The following HSF1 variants were observed in gnomAD, a reference collection of about 807,000 sequenced individuals.
HSF1 encodes heat shock factor protein 1.
Under a neutral mutation model 51.7 loss-of-function variants are expected in HSF1, and 32 were observed. That is an observed-to-expected ratio of 0.62 (90% CI 0.47 to 0.83). The LOEUF is 0.83. HSF1 is among the 40% of genes least tolerant of loss of function. The pLI, the probability that HSF1 is intolerant of heterozygous loss-of-function variation, is 0.00. For missense variants in HSF1, 727 were observed against 717.0 expected (o/e 1.01, Z -0.16); for synonymous variants, 396 against 309.7 (o/e 1.28, Z -2.92).
Position 144,291,855 on chromosome 8 carries a change from C to T in HSF1, c.98C>T (p.Ala33Val), listed in dbSNP as rs782517143. 1 of 1,543,002 alleles carries T rather than the reference C, an allele frequency of 6.5e-7. No individual in the cohort carries two copies. Among genetic ancestry groups the T allele is most frequent in the Non-Finnish European group, 8.7e-7 (1 of 1,150,096 alleles). Residue 33 changes from alanine to valine, a missense_variant, in exon 1 of 13, where the codon GCG becomes GTG. By Grantham distance (64) the Ala-to-Val change is moderately conservative. Transcript: ENST00000528838. The surrounding 1 kb of genome is among the most constrained non-coding windows in gnomAD (Gnocchi z 4.1). ...CTCGTGAGCGACCCGGACACCGACG[C>T]GCTCATCTGCTGGAGCCCGGTGAGG... ...WTLVSDPDTD[A>V]LICWSPSGNS...
rs562457985 is a variant in HSF1, at chr8:144,310,677, G to A, written c.489-497G>A. 27 of 176,508 alleles carry A rather than the reference G, an allele frequency of 1.5e-4. No individual in the cohort carries two copies. The East Asian group carries it at 3.3e-3, about 21-fold the overall frequency. 10.9% of individuals were successfully genotyped at this position (176,508 alleles called of 1,614,324 possible). Reference sequence around the variant, plus strand: ...CAGCCTCCCAGAGCAGCAGGAGCGCGGTCATGGCCCTGCTCACCTGGCTGG... The same window carrying A: ...CAGCCTCCCAGAGCAGCAGGAGCGCAGTCATGGCCCTGCTCACCTGGCTGG... On this transcript the variant is annotated intron_variant, in intron 4 of 12. Transcript: ENST00000528838.
chr8:144,301,757 C>T (rs974012649), intron 1 of HSF1, among the ~76,000 whole-genome samples: 5 of 151,692 alleles, frequency 3.3e-5, no homozygotes, highest in South Asian at 2.1e-4. Flanking sequence ...CCTAGCTACT[C>T]GGGAGGCTGA....
chr8:144,313,782 CT>C (rs1816984421), intron 10 of HSF1, 63 bp from the exon 11 acceptor site: 1 of 88,754 alleles, frequency 1.1e-5, no homozygotes, highest in Admixed American at 2.2e-4. Flanking sequence ...CCCGCCCCGC[CT>C]CCCCGCCCCG....
intron 1 of HSF1, among the ~76,000 whole-genome samples, chr8:144,306,952 A>G (rs1220871636): frequency 1.3e-5 from 2 of 151,898 alleles, no homozygotes; most frequent in Non-Finnish European, 2.9e-5. Flanking sequence ...GGACGCCTTC[A>G]GCACTCGGCC....
rs567594805 is a variant in HSF1, at chr8:144,312,728, C to G, written c.1142+484C>G. On this transcript the variant is annotated intron_variant, in intron 9 of 12. Transcript: ENST00000528838. ...CCAGCCAGGGTTAGCGCTGACCCCA[C>G]TGGGGAGGGAGGAGGGCTCTGCCAG... 3.8e-5 allele frequency: 58 copies of G among 1,532,580 alleles called. No individual in the cohort carries two copies. The South Asian group carries it at 6.5e-4, about 17-fold the overall frequency. 94.9% of individuals were successfully genotyped at this position (1,532,580 alleles called of 1,614,324 possible).
At chr8:144,311,068 A>G (rs1442194602) in intron 4 of HSF1, 106 bp from the exon 5 acceptor site, 4 of 1,071,722 alleles carry the variant, frequency 3.7e-6, no homozygotes, top group Non-Finnish European at 5.4e-6. Context: ...AGACATGGTC[A>G]CACTTACCCC....
intron 1 of HSF1, among the ~76,000 whole-genome samples, chr8:144,305,537 G>C (rs1178751841): frequency 6.6e-6 from 1 of 152,022 alleles, no homozygotes; most frequent in East Asian, 1.9e-4. Context: ...TCTTGACCTC[G>C]TGATCCAACC....
At chr8:144,303,309 G>A (rs782483818) in intron 1 of HSF1, among the ~76,000 whole-genome samples, 1 of 152,036 alleles carries the variant, frequency 6.6e-6, no homozygotes, top group African/African-American at 2.4e-5. Flanking sequence ...CTGTGCAGGT[G>A]AACAAGCCTG....
At chr8:144,311,936 A>G in intron 8 of HSF1, 27 bp from the exon 9 acceptor site, 1 of 1,581,798 alleles carries the variant, frequency 6.3e-7, no homozygotes, top group South Asian at 1.1e-5. Context: ...CCGAGACGCC[A>G]GCTCACCTGG....
At position 144,291,775 on chromosome 8, in the gene HSF1, C is replaced by A. The variant is rs1181993830; in HGVS notation, c.18C>A (p.Gly6=). Residue 6 remains glycine, a synonymous_variant, in exon 1 of 13, where the codon GGC becomes GGA. Transcript: ENST00000528838. This position sits in a 1 kb window ranked among gnomAD's most constrained non-coding sequence, Gnocchi z 4.1. Reference sequence around the variant, plus strand: ...TGCTCGAGATGGATCTGCCCGTGGGCCCCGGCGCGGCGGGGCCCAGCAACG... The same window carrying A: ...TGCTCGAGATGGATCTGCCCGTGGGACCCGGCGCGGCGGGGCCCAGCAACG... MDLPV[G]PGAAGPSNVP... The A allele has an allele frequency of 1.3e-6, 2 of 1,518,990 alleles. No individual in the cohort carries two copies. The highest frequency in any genetic ancestry group is 8.8e-7 in the Non-Finnish European group (1 of 1,136,404). 94.1% of individuals were successfully genotyped at this position (1,518,990 alleles called of 1,614,324 possible).
Position 144,291,955 on chromosome 8 carries a change from G to C in HSF1, c.117+81G>C. The C allele has an allele frequency of 1.5e-6, 1 of 682,510 alleles. No individual in the cohort carries two copies. The highest frequency in any genetic ancestry group is 2.2e-6 in the Non-Finnish European group (1 of 461,162). 42.3% of individuals were successfully genotyped at this position (682,510 alleles called of 1,614,324 possible). A position where few individuals can be genotyped will look rare whatever the true frequency, so the allele number is the denominator to read the frequency against. ...GGCGGACGGCGCGGGAGGGCTGCGG[G>C]GAGGGGCCCTGCCGCACTTCAGCTT... is the stretch of plus-strand genomic sequence containing the variant. On this transcript the variant is annotated intron_variant, in intron 1 of 12. Transcript: ENST00000528838. The surrounding 1 kb of genome is among the most constrained non-coding windows in gnomAD (Gnocchi z 4.1).
At chr8:144,302,523 A>G (rs71520568) in intron 1 of HSF1, among the ~76,000 whole-genome samples, 2 of 151,464 alleles carry the variant, frequency 1.3e-5, no homozygotes, top group Middle Eastern at 3.4e-3. Context: ...AAAGATAATA[A>G]TAATAATAAA....
At chr8:144,298,229 G>A (rs1323469905) in intron 1 of HSF1, among the ~76,000 whole-genome samples, 1 of 152,150 alleles carries the variant, frequency 6.6e-6, no homozygotes, top group Non-Finnish European at 1.5e-5. Context: ...TGGCCCCTAA[G>A]GTAGGGGTTG....
At chr8:144,299,136 C>T (rs1815685248) in intron 1 of HSF1, among the ~76,000 whole-genome samples, 1 of 152,196 alleles carries the variant, frequency 6.6e-6, no homozygotes, top group Non-Finnish European at 1.5e-5. Context: ...GCACGGAGTA[C>T]ACACAGCACT....
At position 144,314,261 on chromosome 8, in the gene HSF1, C is replaced by G; in HGVS notation, c.1521C>G (p.Ala507=). The change falls in exon 13 of 13, where the codon GCC becomes GCG. Residue 507 remains alanine (A), a synonymous_variant. Coordinates refer to ENST00000528838, the MANE Select transcript of HSF1 (RefSeq NM_005526.4). ...GSYFSEGDGF[A]EDPTISLLTG... is the part of the protein sequence containing the mutation. ...ACTTCTCCGAAGGGGACGGCTTCGCCGAGGACCCCACCATCTCCCTGCTGA... is the reference window on the plus strand; with the variant it reads ...ACTTCTCCGAAGGGGACGGCTTCGCGGAGGACCCCACCATCTCCCTGCTGA... 2 of 1,550,828 alleles carry G rather than the reference C, an allele frequency of 1.3e-6. No homozygotes were observed. The highest frequency in any genetic ancestry group is 1.7e-6 in the Non-Finnish European group (2 of 1,147,152).
Position 144,314,626 on chromosome 8 carries a change from T to C in HSF1, c.*296T>C, listed in dbSNP as rs1817105364. The C allele has an allele frequency of 4.2e-6, 2 of 475,298 alleles. No individual in the cohort carries two copies. The highest frequency in any genetic ancestry group is 7.7e-6 in the Non-Finnish European group (2 of 259,938). 29.4% of individuals were successfully genotyped at this position (475,298 alleles called of 1,614,324 possible). On this transcript the variant is annotated 3_prime_UTR_variant, in exon 13 of 13. Coordinates refer to ENST00000528838, the MANE Select transcript of HSF1 (RefSeq NM_005526.4). ...TGTATTTTGGATTTTTACACAACTG[T>C]CCCGTTCCCCGCTCCACAGAGATAC... is the stretch of plus-strand genomic sequence containing the variant.
rs1817033638 is a variant in HSF1, at chr8:144,314,039, A to G, written c.1369A>G (p.Ser457Gly). 1 of 1,607,868 alleles carries G rather than the reference A, an allele frequency of 6.2e-7. No individual in the cohort carries two copies. The highest frequency in any genetic ancestry group is 1.4e-5 in the African/African-American group (1 of 73,516). The change falls in exon 12 of 13, where the codon AGC becomes GGC. Residue 457 changes from serine to glycine, a missense_variant. Coordinates refer to ENST00000528838, the MANE Select transcript of HSF1 (RefSeq NM_005526.4). ...CCCCAGGCCTCCCGAGGCAGAGAAC[A>G]GCAGCCCGGATTCAGGTGAGCCAAG... is the stretch of plus-strand genomic sequence containing the variant. ...EPPRPPEAEN[S>G]SPDSGKQLVH...
At position 144,311,834 on chromosome 8, in the gene HSF1, G is replaced by C. The variant is rs782809545; in HGVS notation, c.858G>C (p.Glu286Asp). 2.5e-6 allele frequency: 4 copies of C among 1,603,990 alleles called. No individual in the cohort carries two copies. The East Asian group carries it at 6.7e-5, about 27-fold the overall frequency. The change falls in exon 8 of 13, where the codon GAG becomes GAC. Residue 286 changes from glutamate (E) to aspartate (D), a missense_variant and splice_region_variant. Physicochemically the swap from Glu to Asp is conservative, Grantham distance 45 (BLOSUM62 2). Coordinates refer to ENST00000528838, the MANE Select transcript of HSF1 (RefSeq NM_005526.4). ...PMASPGGSID[E>D]RPLSSSPLVR... ...CCTCCCCCGGCGGGAGCATAGACGA[G>C]AGGTGGGGGCCGCATCACCCCAGCC...
At chr8:144,295,713 C>CTTTTT (rs536228987) in intron 1 of HSF1, among the ~76,000 whole-genome samples, 22 of 144,524 alleles carry the variant, frequency 1.5e-4, no homozygotes, top group Admixed American at 1.5e-3. Flanking sequence ...CCAGACCTGG[C>CTTTTT]TTTTTTTTTT....
Sources: gnomAD v4.1 joint callset for allele counts (sites outside exome capture counted in the v4.1 genomes callset) on GRCh38, gnomAD v4.1.1 for gene constraint, Gnocchi (gnomAD v3.1) non-coding constraint, MANE v1.5 for transcripts, NCBI Gene and HGNC (gene_info 2026-07-23, HGNC 2026-07-21) for gene names.